UNC5D: variants seen among roughly 807,000 people sequenced by gnomAD.
UNC5D encodes the protein netrin receptor UNC5D.
A neutral mutation model predicts 105.4 loss-of-function variants in UNC5D; 39 were observed. That is an observed-to-expected ratio of 0.37 (90% CI 0.29 to 0.48). The LOEUF is 0.48. UNC5D is among the 20% of genes least tolerant of loss of function. The pLI is 0.98. For missense variants in UNC5D, 991 were observed against 1,202.4 expected (o/e 0.82, Z 2.60); for synonymous variants, 452 against 450.4 (o/e 1.00, Z -0.04).
intron 1 of UNC5D, among the ~76,000 whole-genome samples, chr8:35,482,054 T>C (rs180782581): frequency 6.6e-6 from 1 of 152,348 alleles, no homozygotes; most frequent in East Asian, 1.9e-4. Flanking sequence ...TACCTGGATA[T>C]GTAATTTATA....
At chr8:35,413,127 T>C (rs1438924420) in intron 1 of UNC5D, among the ~76,000 whole-genome samples, 3 of 152,048 alleles carry the variant, frequency 2.0e-5, no homozygotes, top group African/African-American at 7.2e-5. Flanking sequence ...TTTGTTTACT[T>C]CAAGGGGCAA....
chr8:35,309,740 G>A (rs1808729842), intron 1 of UNC5D, among the ~76,000 whole-genome samples: 1 of 151,988 alleles, frequency 6.6e-6, no homozygotes, highest in Non-Finnish European at 1.5e-5. Flanking sequence ...TTTAAAAGAT[G>A]TAAGCCTCTC....
At chr8:35,523,830 G>A (rs917198097) in intron 1 of UNC5D, among the ~76,000 whole-genome samples, 1 of 70,148 alleles carries the variant, frequency 1.4e-5, no homozygotes, top group African/African-American at 5.8e-5. Context: ...CCTGATATTC[G>A]GATGGTGGCA....
intron 1 of UNC5D, among the ~76,000 whole-genome samples, chr8:35,406,127 A>G (rs1332349269): frequency 6.6e-6 from 1 of 152,200 alleles, no homozygotes; most frequent in Admixed American, 6.5e-5. Flanking sequence ...ATAGTGCCTC[A>G]AACGGGATAG....
At chr8:35,694,335 A>C (rs2131387659) in intron 7 of UNC5D, among the ~76,000 whole-genome samples, 1 of 152,266 alleles carries the variant, frequency 6.6e-6, no homozygotes, top group South Asian at 2.1e-4. Context: ...TTTGTGACTG[A>C]GTTAAAACCA....
At chr8:35,261,667 C>T (rs772764192) in intron 1 of UNC5D, among the ~76,000 whole-genome samples, 11 of 151,888 alleles carry the variant, frequency 7.2e-5, no homozygotes, top group African/African-American at 1.7e-4. Flanking sequence ...TTCACGGAGG[C>T]TCATTACCGA....
chr8:35,284,142 T>C (rs1419549833), intron 1 of UNC5D, among the ~76,000 whole-genome samples: 2 of 152,228 alleles, frequency 1.3e-5, no homozygotes, highest in Non-Finnish European at 2.9e-5. Context: ...TATTAAACTA[T>C]ATTATGCTAG....
At position 35,323,188 on chromosome 8, in the gene UNC5D, CTTT is replaced by C. The variant is rs67076001; in HGVS notation, c.103+87318_103+87320del. Among the ~76,000 whole-genome samples, 4 of 125,942 alleles carry C rather than the reference CTTT, an allele frequency of 3.2e-5. 1 individual carries two copies. The highest frequency in any genetic ancestry group is 2.3e-4 in the East Asian group (1 of 4,262). The allele number at this position is 125,942 out of a possible 152,430, so 82.6% of individuals were successfully genotyped here. A position where few individuals can be genotyped will look rare whatever the true frequency, so the allele number is the denominator to read the frequency against. On this transcript the variant is annotated intron_variant, in intron 1 of 16. Coordinates refer to ENST00000404895, the MANE Select transcript of UNC5D (RefSeq NM_080872.4). The stretch of plus-strand genomic sequence containing the variant: ...CTGTTTTTTTCTAATTTTTCTTTTT[CTTT>C]TTTTTTTTTTTTTTTTCACATGAAT...
chr8:35,252,250 A>G (rs1158942518), intron 1 of UNC5D, among the ~76,000 whole-genome samples: 1 of 152,096 alleles, frequency 6.6e-6, no homozygotes, highest in African/African-American at 2.4e-5. Flanking sequence ...ATTGTTGCAT[A>G]TGAATAAATA....
chr8:35,562,085 C>T (rs765129398), intron 2 of UNC5D, among the ~76,000 whole-genome samples: 2 of 152,098 alleles, frequency 1.3e-5, no homozygotes, highest in Non-Finnish European at 2.9e-5. Context: ...TCATGAGATC[C>T]ACTTTTTCAG....
chr8:35,756,344 T>C (rs1197506049), intron 13 of UNC5D, among the ~76,000 whole-genome samples: 1 of 152,104 alleles, frequency 6.6e-6, no homozygotes, highest in Non-Finnish European at 1.5e-5. Flanking sequence ...AAAAAGGTAC[T>C]CTTTTCTTCC....
At chr8:35,571,408 G>A (rs1053525764) in intron 3 of UNC5D, among the ~76,000 whole-genome samples, 4 of 152,020 alleles carry the variant, frequency 2.6e-5, no homozygotes, top group Non-Finnish European at 5.9e-5. Flanking sequence ...GCAAGTGAGA[G>A]GTTTTTTAAT....
rs184080044 is a variant in UNC5D, at chr8:35,705,556, A to G, written c.1085-373A>G. Among the ~76,000 whole-genome samples the G allele has an allele frequency of 2.2e-3, 340 of 152,280 alleles. 2 individuals are homozygous for G. The highest frequency in any genetic ancestry group is 7.9e-3 in the African/African-American group (330 of 41,550). The stretch of plus-strand genomic sequence containing the variant: ...TTATTTGCTGGTTCATTTTTCTATC[A>G]TCTAGAGTGAAACAGCATCCTTACC... On this transcript the variant is annotated intron_variant, in intron 7 of 16. Coordinates refer to ENST00000404895, the MANE Select transcript of UNC5D (RefSeq NM_080872.4).
intron 1 of UNC5D, among the ~76,000 whole-genome samples, chr8:35,280,515 G>A (rs1214133959): frequency 6.6e-6 from 1 of 152,140 alleles, no homozygotes; most frequent in Non-Finnish European, 1.5e-5. Flanking sequence ...TGTTGTGCTT[G>A]TGCATTTGTG....
Position 35,393,847 on chromosome 8 carries a change from T to G in UNC5D, c.104-155445T>G, listed in dbSNP as rs186843419. ...GGAAAGGGAAATTGGAAGAACTCAC[T>G]GTAGATCTTAAAGATCATTTTAGTT... On this transcript the variant is annotated intron_variant, in intron 1 of 16. Coordinates refer to ENST00000404895, the MANE Select transcript of UNC5D (RefSeq NM_080872.4). Among the ~76,000 whole-genome samples the G allele has an allele frequency of 2.6e-5, 4 of 152,364 alleles. No homozygotes were observed. In the East Asian group the frequency reaches 7.7e-4, roughly 29 times the overall value.
chr8:35,785,931 A>C (rs765304278), intron 16 of UNC5D, among the ~76,000 whole-genome samples: 36 of 152,026 alleles, frequency 2.4e-4, no homozygotes, highest in Non-Finnish European at 5.1e-4. Flanking sequence ...CCTAAGTTTT[A>C]TTATCCCCCT....
intron 1 of UNC5D, among the ~76,000 whole-genome samples, chr8:35,509,107 G>A (rs1421379615): frequency 5.9e-5 from 9 of 152,050 alleles, no homozygotes; most frequent in Admixed American, 5.2e-4. Context: ...TGTGTGCCCG[G>A]GGGGCCAAGT....
intron 4 of UNC5D, among the ~76,000 whole-genome samples, chr8:35,642,764 C>A (rs1270297832): frequency 6.6e-6 from 1 of 152,054 alleles, no homozygotes; most frequent in African/African-American, 2.4e-5. Flanking sequence ...TGGCCCGGTA[C>A]AGATTTAATT....
chr8:35,602,289 G>C (rs918451255), intron 4 of UNC5D, among the ~76,000 whole-genome samples: 1 of 152,116 alleles, frequency 6.6e-6, no homozygotes, highest in African/African-American at 2.4e-5. Flanking sequence ...CCAGGCTTTG[G>C]TATCAGGATG....
Sources: allele counts gnomAD v4.1 joint callset (sites outside exome capture counted in the v4.1 genomes callset), GRCh38; gene constraint gnomAD v4.1.1; transcripts MANE v1.5; gene names NCBI Gene and HGNC (gene_info 2026-07-23, HGNC 2026-07-21).